PRDX1: variants seen among roughly 807,000 people sequenced by gnomAD.
PRDX1 encodes peroxiredoxin 1, also known as peroxiredoxin-1.
In PRDX1, 19 loss-of-function variants were observed where a neutral mutation model predicts 20.7. That is an observed-to-expected ratio of 0.92 (90% confidence interval 0.64 to 1.35). The LOEUF (loss-of-function observed/expected upper bound fraction) is 1.35. PRDX1 is among the 40% of genes most tolerant of loss of function. The pLI, the probability that PRDX1 is intolerant of heterozygous loss-of-function variation, is 0.00. For synonymous variants in PRDX1, 89 were observed against 83.9 expected, an observed-to-expected ratio of 1.06 and a Z score of -0.33; for missense variants, 226 against 240.0, an observed-to-expected ratio of 0.94 and a Z score of 0.38.
rs1338847946 is a variant in PRDX1 at position 45,511,312 on chromosome 1, C to T, written c.*17G>A. On this transcript the variant is annotated 3_prime_UTR_variant, in exon 6 of 6. Coordinates refer to ENST00000319248, the MANE Select transcript of PRDX1 (RefSeq NM_181697.3). Reference sequence around the variant, plus strand: ...CATGGCTGCCCACCGCAGCCTGGCACTAAAACAGCCCAGCGCTCACTTCTG... The same window carrying T: ...CATGGCTGCCCACCGCAGCCTGGCATTAAAACAGCCCAGCGCTCACTTCTG... The T allele has an allele frequency of 5.6e-6, 9 of 1,592,974 alleles. No homozygotes were observed. The highest frequency in any genetic ancestry group is 6.8e-6 in the Non-Finnish European group (8 of 1,168,930).
intron 2 of PRDX1, among the ~76,000 whole-genome samples, chr1:45,516,908 C>T (rs901459065): frequency 4.6e-5 from 7 of 151,558 alleles, no homozygotes; most frequent in African/African-American, 1.7e-4. Context: ...GAAATCTCAG[C>T]TACTGGGGAG....
intron 5 of PRDX1, chr1:45,513,410 C>T (rs528182545): frequency 6.6e-6 from 1 of 152,316 alleles, no homozygotes; most frequent in East Asian, 1.9e-4. Flanking sequence ...TTACCCTCAC[C>T]CTCACAACAC....
At position 45,511,317 on chromosome 1, in the gene PRDX1, A is replaced by G. The variant is rs769789720; in HGVS notation, c.*12T>C. The G allele has an allele frequency of 1.3e-6, 2 of 1,597,746 alleles. No individual in the cohort carries two copies. The highest frequency in any genetic ancestry group is 1.1e-5 in the South Asian group (1 of 88,508). On this transcript the variant is annotated 3_prime_UTR_variant, in exon 6 of 6. Transcript: ENST00000319248. ...CTGCCCACCGCAGCCTGGCACTAAA[A>G]CAGCCCAGCGCTCACTTCTGCTTGG...
In PRDX1 at chr1:45,514,932, C is replaced by T. The variant is rs765244504; in HGVS notation, c.324G>A (p.Pro108=). ...CATAATCCTGAGCAATGGTGCGCTT[C>T]GGGTCTGATACCAAAGGAATGTTCA... ...GPMNIPLVSD[P]KRTIAQDYGV... Residue 108 remains proline, a synonymous_variant, in exon 4 of 6, where the codon CCG becomes CCA. Coordinates refer to ENST00000319248, the MANE Select transcript of PRDX1 (RefSeq NM_181697.3). 9.3e-6 allele frequency: 15 copies of T among 1,614,188 alleles called. No individual in the cohort carries two copies. Among genetic ancestry groups the T allele is most frequent in the Middle Eastern group, 1.6e-4 (1 of 6,062 alleles).
rs10700951 is a variant in PRDX1, at chr1:45,517,021, C to CAAA, written c.107-1217_107-1215dup. Among the ~76,000 whole-genome samples, 273 of 89,676 alleles carry CAAA rather than the reference C, an allele frequency of 3.0e-3. 2 individuals carry two copies. The highest frequency in any genetic ancestry group is 0.01 in the African/African-American group (257 of 25,324). The allele number at this position is 89,676 out of a possible 152,430, so 58.8% of individuals were successfully genotyped here. ...GTGCGACAAGATCAAAATTCCACCTCAAAAAAAAAAAAAAAAAGCCAAACA... is the reference window on the plus strand; with the variant it reads ...GTGCGACAAGATCAAAATTCCACCTCAAAAAAAAAAAAAAAAAAAAGCCAAACA... On this transcript the variant is annotated intron_variant, in intron 2 of 5. Coordinates refer to ENST00000319248, the MANE Select transcript of PRDX1 (RefSeq NM_181697.3).
At chr1:45,515,893 G>T in intron 2 of PRDX1, 86 bp from the exon 3 acceptor site, 2 of 1,313,048 alleles carry the variant, frequency 1.5e-6, no homozygotes, top group Non-Finnish European at 2.0e-6. Context: ...GCAAGTTGAT[G>T]GCTGACACAA....
intron 2 of PRDX1, among the ~76,000 whole-genome samples, chr1:45,517,817 A>ATATATACGTG (rs1557614809): frequency 9.7e-5 from 5 of 51,704 alleles, no homozygotes; most frequent in Admixed American, 2.2e-4. Context: ...ATGACAACAG[A>ATATATACGTG]AAGGAGAGTT....
At position 45,511,388 on chromosome 1, in the gene PRDX1, T is replaced by C. The variant is rs1485930218; in HGVS notation, c.541A>G (p.Ser181Gly). 1.2e-6 allele frequency: 2 copies of C among 1,613,222 alleles called. No individual in the cohort carries two copies. The highest frequency in any genetic ancestry group is 1.7e-5 in the Admixed American group (1 of 59,876). ...TGGACATCAGGCTTGATGGTATCAC[T>C]GCCAGGTTTCCAGCCAGCTGGGCAC... ...EVCPAGWKPG[S>G]DTIKPDVQKS... The change falls in exon 6 of 6, where the codon AGT (serine) becomes GGT (glycine). Residue 181 changes from serine (S) to glycine (G), a missense_variant. By Grantham distance (56) the Ser-to-Gly change is moderately conservative. Transcript: ENST00000319248.
chr1:45,522,303 G>A (rs1643922131), upstream of PRDX1, among the ~76,000 whole-genome samples: 1 of 152,192 alleles, frequency 6.6e-6, no homozygotes, highest in Non-Finnish European at 1.5e-5. Context: ...TATTTCTTAA[G>A]TTCGCAGCCT....
At chr1:45,512,570 A>G (rs1643774871) in intron 5 of PRDX1, 1 of 151,932 alleles carries the variant, frequency 6.6e-6, no homozygotes, top group South Asian at 2.1e-4. Context: ...TGGCTCTTAA[A>G]TGGTACCTAT....
chr1:45,511,692 C>A, intron 5 of PRDX1: 1 of 292,766 alleles, frequency 3.4e-6, no homozygotes. Flanking sequence ...AATTTGCCAA[C>A]ACTCTCTAAT....
intron 2 of PRDX1, among the ~76,000 whole-genome samples, chr1:45,517,221 C>T (rs1643869764): frequency 6.6e-6 from 1 of 152,074 alleles, no homozygotes; most frequent in Non-Finnish European, 1.5e-5. Flanking sequence ...AGGTCACCTC[C>T]CTATGGTGCA....
chr1:45,520,148 T>G (rs1197280963), intron 1 of PRDX1, among the ~76,000 whole-genome samples: 1 of 138,896 alleles, frequency 7.2e-6, no homozygotes, highest in Non-Finnish European at 1.5e-5. Flanking sequence ...GAGGTTGCAG[T>G]AAGCTGAGAT....
In PRDX1 at chr1:45,511,294, G is replaced by A. The variant is rs758602844; in HGVS notation, c.*35C>T. ...CAGAAGAGGTTTTGTTCTCATGGCT[G>A]CCCACCGCAGCCTGGCACTAAAACA... On this transcript the variant is annotated 3_prime_UTR_variant, in exon 6 of 6. Coordinates refer to ENST00000319248, the MANE Select transcript of PRDX1 (RefSeq NM_181697.3). The A allele has an allele frequency of 4.0e-6, 6 of 1,510,822 alleles. No individual in the cohort carries two copies. In the Admixed American group the frequency reaches 6.0e-5, roughly 15 times the overall value. 93.6% of individuals were successfully genotyped at this position (1,510,822 alleles called of 1,614,324 possible).
At chr1:45,515,570 G>A in intron 3 of PRDX1, 84 bp downstream of exon 3, 1 of 1,344,898 alleles carries the variant, frequency 7.4e-7, no homozygotes, top group Non-Finnish European at 9.8e-7. Context: ...CTGCACTCCA[G>A]CCTGGGCGAC....
chr1:45,515,533 A>C, intron 3 of PRDX1, 121 bp downstream of exon 3: 1 of 1,043,568 alleles, frequency 9.6e-7, no homozygotes, highest in Non-Finnish European at 1.3e-6. Context: ...TGGGAGGCAG[A>C]GCTTGAAGTG....
chr1:45,519,932 C>G (rs1393544085), intron 1 of PRDX1, among the ~76,000 whole-genome samples: 1 of 152,112 alleles, frequency 6.6e-6, no homozygotes, highest in Non-Finnish European at 1.5e-5. Flanking sequence ...GACCACTGGG[C>G]GCAGTGTCTC....
Position 45,520,921 on chromosome 1 carries a change from C to T in PRDX1, c.-12+908G>A, listed in dbSNP as rs35210931. ...TCTAGCTCAAAAAACAGAGATTTAA[C>T]CCACTAAGCCGCGGTCTGAAAGCTT... On this transcript the variant is annotated intron_variant, in intron 1 of 5. Transcript: ENST00000319248. 2.3e-3 allele frequency among the ~76,000 whole-genome samples: 350 copies of T among 152,174 alleles called. 2 individuals are homozygous for T. Among genetic ancestry groups the T allele is most frequent in the African/African-American group, 8.2e-3 (340 of 41,518 alleles).
intron 5 of PRDX1, chr1:45,511,689 C>A: frequency 2.1e-5 from 6 of 290,608 alleles, no homozygotes; most frequent in Non-Finnish European, 3.2e-5. Flanking sequence ...AATAATTTGC[C>A]AACACTCTCT....
Sources: allele counts gnomAD v4.1 joint callset (sites outside exome capture counted in the v4.1 genomes callset), GRCh38; gene constraint gnomAD v4.1.1; transcripts MANE v1.5; gene names NCBI Gene and HGNC (gene_info 2026-07-23, HGNC 2026-07-21).